Variants in SYDE1 observed in about 807,000 individuals in gnomAD.
SYDE1 encodes rho GTPase-activating protein SYDE1.
Under a neutral mutation model 63.3 loss-of-function variants are expected in SYDE1, and 34 were observed. The ratio of observed to expected loss-of-function variants is 0.54; its 90% CI spans 0.41 to 0.71. SYDE1 has a LOEUF of 0.71. Ranked by LOEUF, SYDE1 falls within the 30% of genes least tolerant of loss-of-function variation. SYDE1 has a pLI of 0.00. For missense variants in SYDE1, 925 were observed against 1,042.5 expected (o/e 0.89, Z 1.55); for synonymous variants, 467 against 473.4 (o/e 0.99, Z 0.18).
At position 15,114,117 on chromosome 19, in the gene SYDE1, A is replaced by T; in HGVS notation, c.*154A>T. ...GGGACCAGTCGCGTGTATGGCTGAG[A>T]CTCATTCCCAGTTTCCAGGGCCCGG... On this transcript the variant is annotated 3_prime_UTR_variant, in exon 8 of 8. Coordinates refer to ENST00000342784, the MANE Select transcript of SYDE1 (RefSeq NM_033025.6). The T allele has an allele frequency of 1.4e-6, 1 of 724,062 alleles. No homozygotes were observed. The highest frequency in any genetic ancestry group is 2.3e-6 in the Non-Finnish European group (1 of 443,260). The allele number at this position is 724,062 out of a possible 1,614,324, so 44.9% of individuals were successfully genotyped here. A position where few individuals can be genotyped will look rare whatever the true frequency, so the allele number is the denominator to read the frequency against.
chr19:15,113,803 G>GCGAGGA lies in SYDE1; in HGVS notation c.2061_2066dup (p.Asp687_Glu688dup), dbSNP rs747842468. ...TACGACCACGTGACGGGCAGTGACA[G>GCGAGGA]CGAGGACGAGGACGAGGAGGTCGGC... On this transcript the variant is annotated inframe_insertion, in exon 8 of 8. Coordinates refer to ENST00000342784, the MANE Select transcript of SYDE1 (RefSeq NM_033025.6). 2.0e-5 allele frequency: 33 copies of GCGAGGA among 1,614,038 alleles called. No homozygotes were observed. The highest frequency in any genetic ancestry group is 1.5e-4 in the African/African-American group (11 of 74,962).
At chr19:15,112,698 T>C in intron 7 of SYDE1, 127 bp downstream of exon 7, 2 of 762,082 alleles carry the variant, frequency 2.6e-6, no homozygotes, top group East Asian at 2.8e-5. Flanking sequence ...TGGTACCTGG[T>C]TGCCTCAGCA....
Position 15,110,359 on chromosome 19 carries a change from C to T in SYDE1, c.1075+11C>T, listed in dbSNP as rs1599323131. 2.8e-6 allele frequency: 4 copies of T among 1,434,366 alleles called. No homozygotes were observed. Among genetic ancestry groups the T allele is most frequent in the Middle Eastern group, 1.9e-4 (1 of 5,308 alleles). 88.9% of individuals were successfully genotyped at this position (1,434,366 alleles called of 1,614,324 possible). A position where few individuals can be genotyped will look rare whatever the true frequency, so the allele number is the denominator to read the frequency against. On this transcript the variant is annotated intron_variant, in intron 3 of 7. Transcript: ENST00000342784. The surrounding 1 kb of genome is among the most constrained non-coding windows in gnomAD (Gnocchi z 6.9). ...CCACGGTCTTCCGAGGTAGGACATG[C>T]GGCTGCAGGGGAGGAGGGGCAGGGA...
Position 15,113,881 on chromosome 19 carries a change from C to T in SYDE1, c.2126C>T (p.Pro709Leu). ...GACGACTTCGATGCGCCCTTCAACC[C>T]GCACCTGAATCTCAAAGACTTCGAC... is the stretch of plus-strand genomic sequence containing the variant. ...FEDDFDAPFNPHLNLKDFDAL... is the reference protein window; with the variant it reads ...FEDDFDAPFNLHLNLKDFDAL... The change falls in exon 8 of 8, where the codon CCG (proline) becomes CTG (leucine). Residue 709 changes from proline to leucine, a missense_variant. Coordinates refer to ENST00000342784, the MANE Select transcript of SYDE1 (RefSeq NM_033025.6). 1.9e-6 allele frequency: 3 copies of T among 1,614,168 alleles called. No individual in the cohort carries two copies. Among genetic ancestry groups the T allele is most frequent in the South Asian group, 1.1e-5 (1 of 91,084 alleles).
chr19:15,107,927 C>T (rs1210272128), intron 1 of SYDE1, among the ~76,000 whole-genome samples: 1 of 152,120 alleles, frequency 6.6e-6, no homozygotes, highest in Non-Finnish European at 1.5e-5. Flanking sequence ...GGGAGGCGTA[C>T]TCCTGCAAAG....
Position 15,111,863 on chromosome 19 carries a change from C to CCATCTCAGGCCCAGGCA in SYDE1, c.1578+71_1578+72insCATCTCAGGCCCAGGCA. The CCATCTCAGGCCCAGGCA allele has an allele frequency of 1.4e-6, 2 of 1,453,346 alleles. No homozygotes were observed. Among genetic ancestry groups the CCATCTCAGGCCCAGGCA allele is most frequent in the Middle Eastern group, 2.0e-4 (1 of 4,998 alleles). The allele number at this position is 1,453,346 out of a possible 1,614,324, so 90.0% of individuals were successfully genotyped here. A position where few individuals can be genotyped will look rare whatever the true frequency, so the allele number is the denominator to read the frequency against. ...TACCAATAGAATGTTTCACCCATGC[C>CCATCTCAGGCCCAGGCA]TGGGCCTGAGATGGGCATGAGCTGG... On this transcript the variant is annotated intron_variant, in intron 6 of 7. Coordinates refer to ENST00000342784, the MANE Select transcript of SYDE1 (RefSeq NM_033025.6). This position sits in a 1 kb window ranked among gnomAD's most constrained non-coding sequence, Gnocchi z 5.5.
chr19:15,109,716 C>G lies in SYDE1; in HGVS notation c.443C>G (p.Ala148Gly), dbSNP rs775657890. ...GCTCTCCACACAGGTGCAGCCCCCG[C>G]CAGCCCCCCAACCAAAGCCTCCCGC... ...EGLAPQGAAP[A>G]SPPTKASRTK... Residue 148 changes from alanine (A) to glycine (G), a missense_variant, in exon 3 of 8, where the codon GCC becomes GGC. Ala to Gly is a moderately conservative substitution (Grantham distance 60). This residue lies in a region of SYDE1 where 599 missense variants were observed against 653.7 expected (regional missense o/e 0.92). Transcript: ENST00000342784. The surrounding 1 kb of genome is among the most constrained non-coding windows in gnomAD (Gnocchi z 5.0). The G allele has an allele frequency of 3.3e-6, 5 of 1,512,988 alleles. No homozygotes were observed. In the South Asian group the frequency reaches 5.0e-5, roughly 15 times the overall value. The allele number at this position is 1,512,988 out of a possible 1,614,324, so 93.7% of individuals were successfully genotyped here.
Position 15,108,987 on chromosome 19 carries a change from C to G in SYDE1, c.89-69C>G. 4 of 893,046 alleles carry G rather than the reference C, an allele frequency of 4.5e-6. No individual in the cohort carries two copies. Among genetic ancestry groups the G allele is most frequent in the Non-Finnish European group, 5.7e-6 (4 of 695,766 alleles). The allele number at this position is 893,046 out of a possible 1,614,324, so 55.3% of individuals were successfully genotyped here. ...CGTACACAGCATCCCACCCACTGATCAATTGCACAGGGCTGCTCTGCAGGC... is the reference window on the plus strand; with the variant it reads ...CGTACACAGCATCCCACCCACTGATGAATTGCACAGGGCTGCTCTGCAGGC... On this transcript the variant is annotated intron_variant, in intron 1 of 7. Coordinates refer to ENST00000342784, the MANE Select transcript of SYDE1 (RefSeq NM_033025.6). The surrounding 1 kb of genome is among the most constrained non-coding windows in gnomAD (Gnocchi z 4.3).
rs1049658728 is a variant in SYDE1, at chr19:15,110,908, C to A, written c.1290+173C>A. 1.3e-5 allele frequency among the ~76,000 whole-genome samples: 2 copies of A among 152,154 alleles called. No individual in the cohort carries two copies. The highest frequency in any genetic ancestry group is 4.8e-5 in the African/African-American group (2 of 41,420). On this transcript the variant is annotated intron_variant, in intron 4 of 7. Transcript: ENST00000342784. The surrounding 1 kb of genome is among the most constrained non-coding windows in gnomAD (Gnocchi z 6.9). ...CTTGACTGTAGCACCCTGGGCAGAACCCATGGGTCATCCATTGATTTAAAA... is the reference window on the plus strand; with the variant it reads ...CTTGACTGTAGCACCCTGGGCAGAAACCATGGGTCATCCATTGATTTAAAA...
In SYDE1 at chr19:15,110,050, A is replaced by C; in HGVS notation, c.777A>C (p.Ala259=). The C allele has an allele frequency of 6.7e-7, 1 of 1,496,596 alleles. No homozygotes were observed. The highest frequency in any genetic ancestry group is 8.8e-7 in the Non-Finnish European group (1 of 1,131,124). 92.7% of individuals were successfully genotyped at this position (1,496,596 alleles called of 1,614,324 possible). The change falls in exon 3 of 8, where the codon GCA becomes GCC. Residue 259 remains alanine, a synonymous_variant. Coordinates refer to ENST00000342784, the MANE Select transcript of SYDE1 (RefSeq NM_033025.6). The surrounding 1 kb of genome is among the most constrained non-coding windows in gnomAD (Gnocchi z 6.9). ...RPYEVGPAAR[A]PPAALWGRLS... ...ACGAGGTGGGTCCCGCAGCCCGGGC[A>C]CCCCCGGCCGCACTCTGGGGCCGCC...
chr19:15,110,003 T>C lies in SYDE1; in HGVS notation c.730T>C (p.Ser244Pro). ...DSPERPAGPP[S>P]PTSFRPYEVG... Reference sequence around the variant, plus strand: ...ACCGGAGCGCCCAGCTGGGCCCCCATCACCCACCTCCTTCCGGCCCTACGA... The same window carrying C: ...ACCGGAGCGCCCAGCTGGGCCCCCACCACCCACCTCCTTCCGGCCCTACGA... Residue 244 changes from serine (S) to proline (P), a missense_variant, in exon 3 of 8, where the codon TCA (serine) becomes CCA (proline). Coordinates refer to ENST00000342784, the MANE Select transcript of SYDE1 (RefSeq NM_033025.6). The surrounding 1 kb of genome is among the most constrained non-coding windows in gnomAD (Gnocchi z 6.9). The C allele has an allele frequency of 6.7e-7, 1 of 1,496,244 alleles. No homozygotes were observed. Among genetic ancestry groups the C allele is most frequent in the Non-Finnish European group, 8.8e-7 (1 of 1,131,490 alleles). 92.7% of individuals were successfully genotyped at this position (1,496,244 alleles called of 1,614,324 possible).
rs975785689 is a variant in SYDE1, at chr19:15,113,592, G to A, written c.1837G>A (p.Ala613Thr). 4 of 1,583,314 alleles carry A rather than the reference G, an allele frequency of 2.5e-6. No individual in the cohort carries two copies. In the East Asian group the frequency reaches 6.7e-5, roughly 27 times the overall value. ...PRLPRQSPDV[A>T]PYLRPKRQPP... ...CCTGCCCCGACAATCTCCAGATGTC[G>A]CGCCTTACTTGCGACCCAAACGACA... The change falls in exon 8 of 8, where the codon GCG becomes ACG. Residue 613 changes from alanine (A) to threonine (T), a missense_variant. This residue lies in a region of SYDE1 where 255 missense variants were observed against 255.9 expected (regional missense o/e 1.00). Transcript: ENST00000342784.
rs748308086 is a variant in SYDE1, at chr19:15,110,590, C to T, written c.1145C>T (p.Ser382Leu). Residue 382 changes from serine (S) to leucine (L), a missense_variant, in exon 4 of 8, where the codon TCG becomes TTG. By Grantham distance (145) the Ser-to-Leu change is moderately radical (BLOSUM62 -2). Around this residue, in one of 3 missense-constraint regions of SYDE1, gnomAD observed 599 missense variants for 653.7 expected, o/e 0.92. Coordinates refer to ENST00000342784, the MANE Select transcript of SYDE1 (RefSeq NM_033025.6). This position sits in a 1 kb window ranked among gnomAD's most constrained non-coding sequence, Gnocchi z 6.9. Reference protein sequence around the residue: ...QGLLYAKLTLSEQQEAPATAE... With the variant: ...QGLLYAKLTLLEQQEAPATAE... ...CTGCTGTATGCCAAGCTGACCCTGT[C>T]GGAGCAGCAGGAAGCCCCTGCCACA... 9 of 1,595,302 alleles carry T rather than the reference C, an allele frequency of 5.6e-6. No homozygotes were observed. Among genetic ancestry groups the T allele is most frequent in the African/African-American group, 2.7e-5 (2 of 74,594 alleles).
chr19:15,109,469 C>G lies in SYDE1; in HGVS notation c.430+72C>G. On this transcript the variant is annotated intron_variant, in intron 2 of 7. Transcript: ENST00000342784. The surrounding 1 kb of genome is among the most constrained non-coding windows in gnomAD (Gnocchi z 5.0). ...CACATCCCTTCCCTTCAGGGTAGCA[C>G]CAGCCTCACACTCCCTCCTCCCAGA... The G allele has an allele frequency of 1.4e-6, 2 of 1,446,212 alleles. No individual in the cohort carries two copies. Among genetic ancestry groups the G allele is most frequent in the Non-Finnish European group, 9.2e-7 (1 of 1,090,970 alleles). The allele number at this position is 1,446,212 out of a possible 1,614,324, so 89.6% of individuals were successfully genotyped here.
chr19:15,113,792 G>A lies in SYDE1; in HGVS notation c.2037G>A (p.Thr679=). Residue 679 remains threonine (T), a synonymous_variant, in exon 8 of 8, where the codon ACG becomes ACA. Coordinates refer to ENST00000342784, the MANE Select transcript of SYDE1 (RefSeq NM_033025.6). The part of the protein sequence containing the change: ...FLSGPDYDHV[T]GSDSEDEDEE... ...CCGGGCCAGACTACGACCACGTGAC[G>A]GGCAGTGACAGCGAGGACGAGGACG... 6.2e-7 allele frequency: 1 copy of A among 1,614,166 alleles called. No homozygotes were observed. Among genetic ancestry groups the A allele is most frequent in the Non-Finnish European group, 8.5e-7 (1 of 1,180,058 alleles).
At position 15,112,931 on chromosome 19, in the gene SYDE1, G is replaced by A. The variant is rs142144631; in HGVS notation, c.1804+360G>A. Among the ~76,000 whole-genome samples, 423 of 152,096 alleles carry A rather than the reference G, an allele frequency of 2.8e-3. 3 individuals are homozygous for A. Among genetic ancestry groups the A allele is most frequent in the Middle Eastern group, 0.021 (6 of 292 alleles). On this transcript the variant is annotated intron_variant, in intron 7 of 7. Coordinates refer to ENST00000342784, the MANE Select transcript of SYDE1 (RefSeq NM_033025.6). ...TATTTTTTATTTTTTTTGAGATGGA[G>A]TCTTGCTCTCTAGCCCAGGCTGGGG...
Position 15,109,934 on chromosome 19 carries a change from G to A in SYDE1, c.661G>A (p.Gly221Ser). The A allele has an allele frequency of 6.8e-7, 1 of 1,460,084 alleles. No homozygotes were observed. Among genetic ancestry groups the A allele is most frequent in the Non-Finnish European group, 9.0e-7 (1 of 1,113,964 alleles). 90.4% of individuals were successfully genotyped at this position (1,460,084 alleles called of 1,614,324 possible). The change falls in exon 3 of 8, where the codon GGC becomes AGC. Residue 221 changes from glycine (G) to serine (S), a missense_variant. By Grantham distance (56) the Gly-to-Ser change is moderately conservative. Around this residue, in one of 3 missense-constraint regions of SYDE1, gnomAD observed 599 missense variants for 653.7 expected, o/e 0.92. Coordinates refer to ENST00000342784, the MANE Select transcript of SYDE1 (RefSeq NM_033025.6). This position sits in a 1 kb window ranked among gnomAD's most constrained non-coding sequence, Gnocchi z 5.0. ...CCCCGGGCCGGCAGCAGGGCCTGGG[G>A]GCACCCGGAGCCCGAGGGCCGGTTA... is the stretch of plus-strand genomic sequence containing the variant. ...GGPGPAAGPG[G>S]TRSPRAGYLS... is the part of the protein sequence containing the mutation.
At chr19:15,112,224 G>A (rs1376060307) in intron 6 of SYDE1, 122 bp from the exon 7 acceptor site, 4 of 654,702 alleles carry the variant, frequency 6.1e-6, no homozygotes, top group Admixed American at 2.8e-5. Context: ...GTCTTAACCC[G>A]ACCACATCCC....
rs1311921030 is a variant in SYDE1, at chr19:15,109,787, A to C, written c.514A>C (p.Lys172Gln). ...PARRLSIKMK[K>Q]LPELRRRLSL... ...CAGGCGCCTCTCCATAAAGATGAAG[A>C]AGCTGCCGGAACTGCGGCGCCGCCT... is the stretch of plus-strand genomic sequence containing the variant. The change falls in exon 3 of 8, where the codon AAG becomes CAG. Residue 172 changes from lysine (K) to glutamine (Q), a missense_variant. Physicochemically the swap from Lys to Gln is moderately conservative, Grantham distance 53. This residue lies in a region of SYDE1 where 599 missense variants were observed against 653.7 expected (regional missense o/e 0.92). Coordinates refer to ENST00000342784, the MANE Select transcript of SYDE1 (RefSeq NM_033025.6). This position sits in a 1 kb window ranked among gnomAD's most constrained non-coding sequence, Gnocchi z 5.0. 4 of 1,537,752 alleles carry C rather than the reference A, an allele frequency of 2.6e-6. No homozygotes were observed. Among genetic ancestry groups the C allele is most frequent in the Non-Finnish European group, 3.5e-6 (4 of 1,145,668 alleles).
Sources: gnomAD v4.1 joint callset for allele counts (sites outside exome capture counted in the v4.1 genomes callset) on GRCh38, gnomAD v4.1.1 for gene constraint, gnomAD v4.1.1 regional missense constraint, Gnocchi (gnomAD v3.1) non-coding constraint, MANE v1.5 for transcripts, NCBI Gene and HGNC (gene_info 2026-07-23, HGNC 2026-07-21) for gene names.